Variants in PROCR observed in about 807,000 individuals in gnomAD.
The protein encoded by PROCR is endothelial protein C receptor.
PROCR carries 22 observed loss-of-function variants against 24.2 expected under a neutral mutation model. The observed-to-expected ratio is 0.91, with a 90% CI of 0.65 to 1.30. The LOEUF is 1.30. PROCR is among the 50% of genes most tolerant of loss of function. PROCR has a pLI of 0.00. For missense variants in PROCR, 288 were observed against 307.7 expected (o/e 0.94, Z 0.48); for synonymous variants, 137 against 139.2 (o/e 0.98, Z 0.11).
rs78090840 is a variant in PROCR, at chr20:35,207,101, T to C, written c.95-8792T>C. 4.4e-3 allele frequency among the ~76,000 whole-genome samples: 673 copies of C among 152,196 alleles called. 2 individuals carry two copies. The highest frequency in any genetic ancestry group is 0.015 in the African/African-American group (640 of 41,510). ...GAAGCCAAATTCAAAATACAACATA[T>C]TGTATGGTTCCATTTTATATGACAG... On this transcript the variant is annotated intron_variant, in intron 1 of 1. Transcript: ENST00000634509.
chr20:35,211,114 A>C (rs1036262154), intron 1 of PROCR, among the ~76,000 whole-genome samples: 2 of 152,162 alleles, frequency 1.3e-5, no homozygotes, highest in African/African-American at 2.4e-5. Context: ...GAAGTTGAGG[A>C]TCTGGAAATG....
chr20:35,174,950 G>C lies in PROCR; in HGVS notation c.319G>C (p.Ala107Pro), dbSNP rs2085994728. The C allele has an allele frequency of 5.8e-6, 9 of 1,550,400 alleles. No individual in the cohort carries two copies. Among genetic ancestry groups the C allele is most frequent in the Non-Finnish European group, 7.8e-6 (9 of 1,148,558 alleles). The stretch of plus-strand genomic sequence containing the variant: ...CCTGGTGCACCAGGAGCGGACCTTG[G>C]CCTGTGAGTAGGCGCGCAGCGGGGG... ...VRLVHQERTL[A>P]FPLTIRCFLG... is the part of the protein sequence containing the mutation. Residue 107 changes from alanine to proline, a missense_variant, in exon 2 of 4, where the codon GCC (alanine) becomes CCC (proline). Physicochemically the swap from Ala to Pro is conservative, Grantham distance 27 (BLOSUM62 -1). Coordinates refer to ENST00000216968, the MANE Select transcript of PROCR (RefSeq NM_006404.5).
chr20:35,203,571 C>T (rs539706430), intron 1 of PROCR, among the ~76,000 whole-genome samples: 72 of 150,634 alleles, frequency 4.8e-4, no homozygotes, highest in South Asian at 2.1e-4. Flanking sequence ...GAGCTGAGAT[C>T]GCACCACTGC....
chr20:35,173,162 T>C (rs527405806), intron 1 of PROCR, among the ~76,000 whole-genome samples: 14 of 152,302 alleles, frequency 9.2e-5, no homozygotes, highest in African/African-American at 2.9e-4. Flanking sequence ...AAATGTGCTC[T>C]GGGCATCAAC....
At chr20:35,181,570 G>A (rs1006255765), downstream of PROCR, among the ~76,000 whole-genome samples, 2 of 152,198 alleles carry the variant, frequency 1.3e-5, no homozygotes, top group African/African-American at 2.4e-5. Context: ...ACTGTGCCCG[G>A]CCCCTCAAAT....
At chr20:35,172,616 C>T (rs1019922698) in intron 1 of PROCR, among the ~76,000 whole-genome samples, 4 of 151,636 alleles carry the variant, frequency 2.6e-5, no homozygotes, top group African/African-American at 9.7e-5. Context: ...AATGGGAAGA[C>T]CCTGGGAAAA....
upstream of PROCR, among the ~76,000 whole-genome samples, chr20:35,171,481 T>G (rs2146138253): frequency 6.6e-6 from 1 of 152,348 alleles, no homozygotes; most frequent in Admixed American, 6.5e-5. Flanking sequence ...AATCATCTTC[T>G]GAGATTTATA....
chr20:35,184,945 G>A (rs1460409912), intron 1 of PROCR, among the ~76,000 whole-genome samples: 3 of 149,396 alleles, frequency 2.0e-5, no homozygotes, highest in Non-Finnish European at 4.4e-5. Context: ...ACAACTCACA[G>A]AGTGGGAGAA....
At chr20:35,208,561 A>G (rs1042180390) in intron 1 of PROCR, among the ~76,000 whole-genome samples, 2 of 152,078 alleles carry the variant, frequency 1.3e-5, no homozygotes, top group African/African-American at 4.8e-5. Context: ...GTATCCGCGT[A>G]CTCTGCTGCC....
At position 35,176,289 on chromosome 20, in the gene PROCR, C is replaced by T. The variant is rs753635446; in HGVS notation, c.444C>T (p.Ala148=). The T allele has an allele frequency of 1.9e-6, 3 of 1,614,132 alleles. No individual in the cohort carries two copies. The highest frequency in any genetic ancestry group is 1.3e-5 in the African/African-American group (1 of 74,944). ...TTGTGAGTTTCCGGCCGGAGAGAGCCTTGTGGCAGGCAGACACCCAGGTCA... is the reference window on the plus strand; with the variant it reads ...TTGTGAGTTTCCGGCCGGAGAGAGCTTTGTGGCAGGCAGACACCCAGGTCA... The part of the protein sequence containing the change: ...SSFVSFRPER[A]LWQADTQVTS... Residue 148 remains alanine (A), a synonymous_variant, in exon 3 of 4, where the codon GCC becomes GCT. Transcript: ENST00000216968.
intron 1 of PROCR, among the ~76,000 whole-genome samples, chr20:35,201,166 G>C (rs893746377): frequency 1.4e-5 from 2 of 147,996 alleles, no homozygotes; most frequent in African/African-American, 5.0e-5. Context: ...TAGATCAACA[G>C]CTAAAAAAAA....
At chr20:35,196,772 A>C (rs759925016) in intron 1 of PROCR, among the ~76,000 whole-genome samples, 7 of 152,240 alleles carry the variant, frequency 4.6e-5, no homozygotes, top group Non-Finnish European at 8.8e-5. Flanking sequence ...GAACTACAGA[A>C]ATGAAGGAAG....
chr20:35,198,802 T>A (rs1453191451), intron 1 of PROCR, among the ~76,000 whole-genome samples: 7 of 151,624 alleles, frequency 4.6e-5, no homozygotes, highest in African/African-American at 1.7e-4. Context: ...GCAACCTCCA[T>A]ATGCTGGGTT....
intron 2 of PROCR, 145 bp from the exon 3 acceptor site, chr20:35,176,023 T>G (rs1460106272): frequency 7.5e-6 from 7 of 930,014 alleles, no homozygotes; most frequent in Non-Finnish European, 1.2e-5. Flanking sequence ...CCCCAGGCCC[T>G]TCTCCCCATA....
At chr20:35,201,561 G>T (rs758634129) in intron 1 of PROCR, among the ~76,000 whole-genome samples, 1 of 152,060 alleles carries the variant, frequency 6.6e-6, no homozygotes, top group South Asian at 2.1e-4. Context: ...GGTGGTGCAT[G>T]CCTGTAATCC....
At chr20:35,210,388 T>C (rs2060357584) in intron 1 of PROCR, among the ~76,000 whole-genome samples, 1 of 150,678 alleles carries the variant, frequency 6.6e-6, no homozygotes, top group Non-Finnish European at 1.5e-5. Context: ...CTATGAAAAA[T>C]TTTTAAAAAT....
At chr20:35,215,157 G>A (rs1282061122) in intron 1 of PROCR, among the ~76,000 whole-genome samples, 1 of 152,112 alleles carries the variant, frequency 6.6e-6, no homozygotes, top group African/African-American at 2.4e-5. Flanking sequence ...TGATCCACCC[G>A]CCTCAGCCTC....
At chr20:35,200,007 T>C (rs530815273) in intron 1 of PROCR, among the ~76,000 whole-genome samples, 21 of 152,264 alleles carry the variant, frequency 1.4e-4, no homozygotes, top group Admixed American at 8.5e-4. Flanking sequence ...GTAGTGGAAA[T>C]AGCAAGATAA....
At chr20:35,178,507 GTTTTTTTT>G (rs1203789471), downstream of PROCR, among the ~76,000 whole-genome samples, 3 of 34,372 alleles carry the variant, frequency 8.7e-5, 1 homozygote, top group Non-Finnish European at 1.3e-4. Context: ...TCAAGTCTCA[GTTTTTTTT>G]TTTTTTTTTT....
Sources: allele counts gnomAD v4.1 joint callset (sites outside exome capture counted in the v4.1 genomes callset), GRCh38; gene constraint gnomAD v4.1.1; transcripts MANE v1.5; gene names NCBI Gene and HGNC (gene_info 2026-07-23, HGNC 2026-07-21).